OASL: variants seen among roughly 807,000 people sequenced by gnomAD.
OASL encodes 2'-5'-oligoadenylate synthase-like protein.
A neutral mutation model predicts 35.3 loss-of-function variants in OASL; 28 were observed. The observed-to-expected ratio is 0.79, with a 90% CI of 0.59 to 1.09. The LOEUF (loss-of-function observed/expected upper bound fraction) is 1.09, where lower values mean the gene tolerates loss of function less well. Ranked by LOEUF, OASL falls within the 50% of genes least tolerant of loss-of-function variation. OASL has a pLI of 0.00. For missense variants in OASL, 620 were observed against 635.2 expected, an observed-to-expected ratio of 0.98 and a Z score of 0.26; for synonymous variants, 252 against 254.6, an observed-to-expected ratio of 0.99 and a Z score of 0.10.
chr12:121,033,336 G>T, intron 2 of OASL, 125 bp downstream of exon 2: 1 of 955,646 alleles, frequency 1.0e-6, no homozygotes, highest in Non-Finnish European at 1.6e-6. Flanking sequence ...CCAGCCCCAA[G>T]CATAGGACAC....
Position 121,024,155 on chromosome 12 carries a change from G to C in OASL, c.900-18C>G, listed in dbSNP as rs1386617963. 7.4e-6 allele frequency: 12 copies of C among 1,612,148 alleles called. No homozygotes were observed. The highest frequency in any genetic ancestry group is 1.0e-5 in the Non-Finnish European group (12 of 1,178,928). On this transcript the variant is annotated intron_variant, in intron 4 of 5. Coordinates refer to ENST00000257570, the Ensembl canonical transcript of OASL. ...TGATGGGCCTGTAACACAGGAAAAGGGTGCCCAGGCTCATAATGGTTTGAA... is the reference window on the plus strand; with the variant it reads ...TGATGGGCCTGTAACACAGGAAAAGCGTGCCCAGGCTCATAATGGTTTGAA...
At position 121,033,523 on chromosome 12, in the gene OASL, A is replaced by G. The variant is rs779998873; in HGVS notation, c.419T>C (p.Ile140Thr). The change falls in exon 2 of 6, where the codon ATC (isoleucine) becomes ACC (threonine). Residue 140 changes from isoleucine to threonine, a missense_variant. Ile to Thr is a moderately conservative substitution (Grantham distance 89). Coordinates refer to ENST00000257570, the Ensembl canonical transcript of OASL. ...GGGCTCCGCAGTCCCCCTGGTCTGG[A>G]TGGTGAAGACGAGAGCATCGGGGAC... The G allele has an allele frequency of 4.8e-5, 78 of 1,613,972 alleles. 3 individuals are homozygous for G. In the South Asian group the frequency reaches 8.1e-4, roughly 17 times the overall value.
exon 6 of OASL, chr12:121,020,971 C>T (rs749395141): frequency 3.1e-6 from 5 of 1,614,142 alleles, no homozygotes; most frequent in Non-Finnish European, 4.2e-6. Context: ...TTCTCTTTAA[C>T]CTTCCTTATG....
At chr12:121,033,462 C>T (rs1869822675) in exon 2 of OASL, 1 of 1,606,546 alleles carries the variant, frequency 6.2e-7, no homozygotes, top group Non-Finnish European at 8.5e-7. Flanking sequence ...TCCCCTTACC[C>T]AGGGCTCTGT....
chr12:121,033,726 A>G, exon 2 of OASL: 1 of 1,612,996 alleles, frequency 6.2e-7, no homozygotes, highest in South Asian at 1.1e-5. Flanking sequence ...GAACCGTGCC[A>G]TTCCCGAAGG....
At chr12:121,038,673 G>A (rs909654082) in intron 1 of OASL, 101 bp downstream of exon 1, 68 of 1,109,124 alleles carry the variant, frequency 6.1e-5, no homozygotes, top group Non-Finnish European at 9.0e-5. Context: ...TCATCAGCAT[G>A]GGCTAGGGAT....
At position 121,033,007 on chromosome 12, in the gene OASL, C is replaced by T. The variant is rs147738875; in HGVS notation, c.481+454G>A. ...ATGGCGCGATCTTGACTCACTGCAA[C>T]CTCCGCCTCCTGGGTTCAAGTGATT... On this transcript the variant is annotated intron_variant, in intron 2 of 5. Coordinates refer to ENST00000257570, the Ensembl canonical transcript of OASL. Among the ~76,000 whole-genome samples, 1,117 of 152,206 alleles carry T rather than the reference C, an allele frequency of 7.3e-3. 8 individuals carry two copies. The highest frequency in any genetic ancestry group is 0.021 in the Admixed American group (321 of 15,296).
intron 1 of OASL, among the ~76,000 whole-genome samples, chr12:121,035,815 C>T (rs1160353877): frequency 3.3e-5 from 5 of 152,124 alleles, no homozygotes; most frequent in Admixed American, 1.3e-4. Context: ...GAGATGGCAC[C>T]CTGTGTGTGA....
chr12:121,039,011 C>G, exon 1 of OASL: 1 of 1,565,422 alleles, frequency 6.4e-7, no homozygotes, highest in Non-Finnish European at 8.8e-7. Flanking sequence ...GATATATAGC[C>G]AGGCTCCTAC....
At chr12:121,037,511 C>T (rs976792419) in intron 1 of OASL, among the ~76,000 whole-genome samples, 2 of 152,128 alleles carry the variant, frequency 1.3e-5, no homozygotes, top group Non-Finnish European at 2.9e-5. Context: ...AGTGCAGTGG[C>T]TCACTGTAAT....
At chr12:121,033,461 C>T in exon 2 of OASL, 3 of 1,606,436 alleles carry the variant, frequency 1.9e-6, no homozygotes, top group Non-Finnish European at 2.6e-6. Context: ...CTCCCCTTAC[C>T]CAGGGCTCTG....
Position 121,027,776 on chromosome 12 carries a change from G to C in OASL, c.699C>G (p.Leu233=), listed in dbSNP as rs1004671711. 3.1e-6 allele frequency: 5 copies of C among 1,614,054 alleles called. No homozygotes were observed. In the African/African-American group the frequency reaches 5.3e-5, roughly 17 times the overall value. Residue 233 remains leucine (L), a synonymous_variant, in exon 4 of 6, where the codon CTC becomes CTG. Transcript: ENST00000257570. ...AGATGGTTAGAAGTTCAAGAGCATA[G>C]AGAGGGGGCAGATTGGCTCTGGGGG...
At chr12:121,028,889 A>AC (rs1294680547) in intron 3 of OASL, among the ~76,000 whole-genome samples, 1 of 151,560 alleles carries the variant, frequency 6.6e-6, no homozygotes, top group African/African-American at 2.4e-5. Flanking sequence ...ACATGGTGAA[A>AC]CCCCGTCTCT....
intron 3 of OASL, among the ~76,000 whole-genome samples, chr12:121,030,868 G>A (rs1869697337): frequency 6.6e-6 from 1 of 152,144 alleles, no homozygotes; most frequent in Admixed American, 6.5e-5. Context: ...GGGTGTGGTG[G>A]CTCGTGCCTG....
downstream of OASL, among the ~76,000 whole-genome samples, chr12:121,017,860 C>T (rs537337593): frequency 2.7e-3 from 418 of 152,248 alleles, 2 homozygotes; most frequent in Middle Eastern, 0.01. Flanking sequence ...GTTGTGGCAA[C>T]GAGAAAAGAC....
chr12:121,019,803 T>A (rs570604348), exon 6 of OASL: 1 of 152,194 alleles, frequency 6.6e-6, no homozygotes, highest in Non-Finnish European at 1.5e-5. Context: ...AGGGATGCCG[T>A]GATTGAGGCT....
intron 2 of OASL, 45 bp from the exon 3 acceptor site, chr12:121,031,662 C>A (rs373099779): frequency 3.2e-6 from 5 of 1,568,050 alleles, no homozygotes; most frequent in Non-Finnish European, 4.4e-6. Flanking sequence ...ATTGAGGAAG[C>A]CAGAGGGTGG....
At chr12:121,034,959 TCCAGG>T (rs1869891580) in intron 1 of OASL, among the ~76,000 whole-genome samples, 1 of 152,100 alleles carries the variant, frequency 6.6e-6, no homozygotes, top group African/African-American at 2.4e-5. Flanking sequence ...AGATGAGCTC[TCCAGG>T]CCCTGGTGCC....
chr12:121,031,437 C>A lies in OASL; in HGVS notation c.657+5G>T. The A allele has an allele frequency of 6.2e-7, 1 of 1,612,574 alleles. No homozygotes were observed. The highest frequency in any genetic ancestry group is 1.1e-5 in the South Asian group (1 of 91,002). ...TTGCCCCTGCCATCCTGGCAGCCCCCTCACCTGCTGGTACCAGTGTTTCAC... is the reference window on the plus strand; with the variant it reads ...TTGCCCCTGCCATCCTGGCAGCCCCATCACCTGCTGGTACCAGTGTTTCAC... On this transcript the variant is annotated splice_donor_5th_base_variant and intron_variant, in intron 3 of 5. Coordinates refer to ENST00000257570, the Ensembl canonical transcript of OASL.
Sources: allele counts gnomAD v4.1 joint callset (sites outside exome capture counted in the v4.1 genomes callset), GRCh38; gene constraint gnomAD v4.1.1; transcripts MANE v1.5; gene names NCBI Gene and HGNC (gene_info 2026-07-23, HGNC 2026-07-21).